RIMS2: variants seen among roughly 807,000 people sequenced by gnomAD.
RIMS2 encodes the protein regulating synaptic membrane exocytosis 2, also known as regulating synaptic membrane exocytosis protein 2.
In RIMS2, 59 loss-of-function variants were observed where a neutral mutation model predicts 174.4. The observed-to-expected ratio is 0.34, with a 90% CI of 0.27 to 0.42. The LOEUF (loss-of-function observed/expected upper bound fraction) is 0.42, where lower values mean the gene tolerates loss of function less well. RIMS2 is among the 10% of genes least tolerant of loss of function. The pLI, the probability that RIMS2 is intolerant of heterozygous loss-of-function variation, is 1.00. For missense variants in RIMS2, 1,620 were observed against 1,666.3 expected, an observed-to-expected ratio of 0.97 and a Z score of 0.48; for synonymous variants, 606 against 572.5, an observed-to-expected ratio of 1.06 and a Z score of -0.84.
intron 1 of RIMS2, among the ~76,000 whole-genome samples, chr8:103,532,263 G>A (rs549073870): frequency 1.4e-4 from 21 of 152,290 alleles, no homozygotes; most frequent in African/African-American, 5.1e-4. Flanking sequence ...TCCCAGGAGG[G>A]AAGGAAAAAG....
chr8:103,736,020 C>T (rs901025818), intron 2 of RIMS2, among the ~76,000 whole-genome samples: 20 of 152,146 alleles, frequency 1.3e-4, no homozygotes, highest in African/African-American at 4.8e-4. Flanking sequence ...ATGTAAATTA[C>T]ACAATGTCAG....
chr8:103,815,066 T>A (rs1407534170), intron 3 of RIMS2, among the ~76,000 whole-genome samples: 1 of 152,204 alleles, frequency 6.6e-6, no homozygotes, highest in Non-Finnish European at 1.5e-5. Context: ...TACTTGTGGC[T>A]AGTGTATCAA....
At chr8:104,066,172 G>A (rs1238979266) in intron 19 of RIMS2, among the ~76,000 whole-genome samples, 1 of 152,086 alleles carries the variant, frequency 6.6e-6, no homozygotes, top group East Asian at 1.9e-4. Flanking sequence ...CAGAGTAACA[G>A]TTTCCATATG....
chr8:104,243,018 G>T (rs939535934), intron 19 of RIMS2, among the ~76,000 whole-genome samples: 4 of 152,086 alleles, frequency 2.6e-5, no homozygotes, highest in African/African-American at 9.7e-5. Flanking sequence ...TGATTCCAAT[G>T]GAGGTTGCAA....
At chr8:104,068,135 TA>T (rs1165422339) in intron 19 of RIMS2, among the ~76,000 whole-genome samples, 4 of 152,248 alleles carry the variant, frequency 2.6e-5, no homozygotes, top group Non-Finnish European at 5.9e-5. Flanking sequence ...CTTTAATACC[TA>T]TAAATAAATC....
intron 19 of RIMS2, 111 bp from the exon 26 acceptor site, chr8:104,244,805 C>T (rs1180194255): frequency 5.1e-6 from 4 of 786,928 alleles, no homozygotes; most frequent in Non-Finnish European, 8.3e-6. Flanking sequence ...TTAACAAGAG[C>T]ACTTTTTATT....
At chr8:103,982,238 A>T (rs576092736) in intron 16 of RIMS2, among the ~76,000 whole-genome samples, 15 of 152,144 alleles carry the variant, frequency 9.9e-5, no homozygotes, top group Non-Finnish European at 2.2e-4. Flanking sequence ...AAATAACAAG[A>T]TCAAAGCCAT....
chr8:103,949,423 A>G (rs1040807485), intron 14 of RIMS2, among the ~76,000 whole-genome samples: 1 of 152,196 alleles, frequency 6.6e-6, no homozygotes, highest in Non-Finnish European at 1.5e-5. Context: ...ATAAGTTTAA[A>G]AGTACTCAAG....
intron 1 of RIMS2, 89 bp from the exon 3 acceptor site, chr8:103,652,535 C>T (rs2096470712): frequency 3.2e-6 from 2 of 621,836 alleles, no homozygotes; most frequent in Admixed American, 2.5e-5. Flanking sequence ...AGCTTTTGTG[C>T]CTGTGTATTT....
intron 14 of RIMS2, among the ~76,000 whole-genome samples, chr8:103,946,155 A>T (rs550197317): frequency 2.6e-5 from 4 of 152,236 alleles, no homozygotes; most frequent in Non-Finnish European, 4.4e-5. Context: ...TACATGAACA[A>T]TATACTAGAA....
intron 1 of RIMS2, among the ~76,000 whole-genome samples, chr8:103,604,204 G>A (rs1158422315): frequency 6.6e-6 from 1 of 151,064 alleles, no homozygotes; most frequent in African/African-American, 2.4e-5. Context: ...TCCAGTTTCA[G>A]CTTTCTACAT....
chr8:103,744,681 A>G (rs958413682), intron 2 of RIMS2, among the ~76,000 whole-genome samples: 18 of 152,286 alleles, frequency 1.2e-4, no homozygotes, highest in Admixed American at 9.8e-4. Flanking sequence ...TTTTATGGCC[A>G]AGGGAACAGG....
At chr8:104,035,666 GA>G (rs34195592) in intron 19 of RIMS2, among the ~76,000 whole-genome samples, 2,316 of 151,482 alleles carry the variant, frequency 0.015, 48 homozygotes, top group African/African-American at 0.049. Context: ...TTTTATTCTT[GA>G]ATGTTTAAGA....
intron 1 of RIMS2, among the ~76,000 whole-genome samples, chr8:103,580,663 A>G (rs2093556661): frequency 6.6e-6 from 1 of 152,066 alleles, no homozygotes; most frequent in African/African-American, 2.4e-5. Context: ...AAAACCTCAA[A>G]CCAGTAATGA....
intron 3 of RIMS2, among the ~76,000 whole-genome samples, chr8:103,828,901 C>G (rs1160795483): frequency 6.6e-6 from 1 of 152,034 alleles, no homozygotes; most frequent in Non-Finnish European, 1.5e-5. Flanking sequence ...CTTCTGGGTT[C>G]TGTAATCTGT....
At chr8:103,649,707 A>G (rs2096413680) in intron 1 of RIMS2, among the ~76,000 whole-genome samples, 1 of 151,182 alleles carries the variant, frequency 6.6e-6, no homozygotes, top group South Asian at 2.1e-4. Flanking sequence ...ACAGTCTTCA[A>G]GCTCTGAGAT....
chr8:103,789,828 C>T (rs2098480640), intron 3 of RIMS2, among the ~76,000 whole-genome samples: 3 of 143,174 alleles, frequency 2.1e-5, no homozygotes, highest in African/African-American at 7.8e-5. Context: ...GTCATGCTCA[C>T]AGCAGCCTCA....
intron 1 of RIMS2, among the ~76,000 whole-genome samples, chr8:103,571,388 T>G (rs1205738497): frequency 6.6e-6 from 1 of 152,220 alleles, no homozygotes; most frequent in African/African-American, 2.4e-5. Flanking sequence ...TTGAAGTTTC[T>G]TGAAAATACT....
At chr8:104,106,338 T>C (rs2098064680) in intron 19 of RIMS2, among the ~76,000 whole-genome samples, 1 of 152,186 alleles carries the variant, frequency 6.6e-6, no homozygotes, top group Non-Finnish European at 1.5e-5. Context: ...GATAACTGGT[T>C]ATTCTATCCT....
Sources: allele counts gnomAD v4.1 joint callset (sites outside exome capture counted in the v4.1 genomes callset), GRCh38; gene constraint gnomAD v4.1.1; transcripts MANE v1.5; gene names NCBI Gene and HGNC (gene_info 2026-07-23, HGNC 2026-07-21).